Variants in MYO16 observed in about 807,000 individuals in gnomAD.
The protein encoded by MYO16 is myosin XVI.
In MYO16, 94 loss-of-function variants were observed where a neutral mutation model predicts 205.3. That is an observed-to-expected ratio of 0.46 (90% confidence interval 0.39 to 0.54). MYO16 has a LOEUF of 0.54. Among genes scored for constraint, MYO16 ranks in the 20% least tolerant of loss-of-function variants. The pLI, the probability that MYO16 is intolerant of heterozygous loss-of-function variation, is 0.00. For synonymous variants in MYO16, 988 were observed against 954.0 expected, an observed-to-expected ratio of 1.04 and a Z score of -0.66; for missense variants, 2,315 against 2,387.5, an observed-to-expected ratio of 0.97 and a Z score of 0.63.
At chr13:108,808,628 T>C (rs185867382) in intron 7 of MYO16, among the ~76,000 whole-genome samples, 3 of 152,226 alleles carry the variant, frequency 2.0e-5, no homozygotes, top group Non-Finnish European at 4.4e-5. Flanking sequence ...TGGAAGCTTC[T>C]ATCCAGGAAA....
upstream of MYO16, among the ~76,000 whole-genome samples, chr13:108,595,456 G>A (rs148912148): frequency 3.9e-4 from 59 of 152,248 alleles, no homozygotes; most frequent in African/African-American, 1.4e-3. Flanking sequence ...AAACAATTTT[G>A]CATATTATAT....
intron 7 of MYO16, among the ~76,000 whole-genome samples, chr13:108,812,349 TATC>T (rs1887319809): frequency 6.6e-6 from 1 of 152,194 alleles, no homozygotes; most frequent in South Asian, 2.1e-4. Context: ...CTTGTCAAAA[TATC>T]ATCATATCTC....
intron 4 of MYO16, among the ~76,000 whole-genome samples, chr13:108,751,133 C>T (rs923069351): frequency 1.3e-5 from 2 of 152,048 alleles, no homozygotes; most frequent in Non-Finnish European, 2.9e-5. Flanking sequence ...ATCCATGACA[C>T]TTTCATAGCC....
chr13:108,754,218 C>T (rs924003505), intron 4 of MYO16, among the ~76,000 whole-genome samples: 1 of 151,754 alleles, frequency 6.6e-6, no homozygotes, highest in Non-Finnish European at 1.5e-5. Context: ...GCAAGACAAG[C>T]TGTAGCATGC....
At chr13:108,673,179 A>C (rs550264259) in intron 2 of MYO16, among the ~76,000 whole-genome samples, 1 of 152,184 alleles carries the variant, frequency 6.6e-6, no homozygotes, top group Non-Finnish European at 1.5e-5. Context: ...TTTATGTGGT[A>C]TAGTTAGAGA....
At chr13:109,056,306 C>T (rs1887417368) in intron 27 of MYO16, among the ~76,000 whole-genome samples, 1 of 152,092 alleles carries the variant, frequency 6.6e-6, no homozygotes, top group Non-Finnish European at 1.5e-5. Context: ...CCATGGTAGC[C>T]TTATCCCAGC....
At chr13:108,774,836 C>G (rs772859002) in intron 4 of MYO16, among the ~76,000 whole-genome samples, 1 of 152,178 alleles carries the variant, frequency 6.6e-6, no homozygotes, top group Admixed American at 6.5e-5. Flanking sequence ...TGTTCTCTTA[C>G]ATCATGAGAA....
chr13:108,682,164 A>G (rs1238573529), intron 2 of MYO16, among the ~76,000 whole-genome samples: 2 of 152,222 alleles, frequency 1.3e-5, no homozygotes, highest in African/African-American at 2.4e-5. Flanking sequence ...GGGGATAGAC[A>G]TGCTAAACAT....
chr13:108,576,321 G>A, the MYO16 span, among the ~76,000 whole-genome samples: 43,731 of 151,996 alleles, frequency 0.29, 6,483 homozygotes, highest in African/African-American at 0.31. Context: ...CATCCCTGGA[G>A]GGATGACCTT....
intron 34 of MYO16, among the ~76,000 whole-genome samples, chr13:109,203,859 T>C (rs1181116836): frequency 6.6e-6 from 1 of 152,172 alleles, no homozygotes; most frequent in Non-Finnish European, 1.5e-5. Context: ...CCCATGCAGG[T>C]GAACAGCTAA....
upstream of MYO16, among the ~76,000 whole-genome samples, chr13:108,627,603 G>A (rs1455921038): frequency 6.6e-6 from 1 of 152,168 alleles, no homozygotes; most frequent in Non-Finnish European, 1.5e-5. Flanking sequence ...ATTTGATAAT[G>A]AGCCCCTGGA....
chr13:108,685,120 T>A (rs891585421), intron 2 of MYO16, among the ~76,000 whole-genome samples: 5 of 151,608 alleles, frequency 3.3e-5, no homozygotes, highest in Non-Finnish European at 7.4e-5. Context: ...CCTTCCGGGT[T>A]CAAGCCATTC....
chr13:108,682,611 A>G (rs1164408952), intron 2 of MYO16, among the ~76,000 whole-genome samples: 1 of 152,182 alleles, frequency 6.6e-6, no homozygotes, highest in Non-Finnish European at 1.5e-5. Context: ...AAGGGGAAAG[A>G]AAAAGGGTTA....
chr13:109,023,143 G>A (rs1304882321), intron 23 of MYO16, among the ~76,000 whole-genome samples: 2 of 127,782 alleles, frequency 1.6e-5, no homozygotes, highest in African/African-American at 2.9e-5. Context: ...TTATGTATAT[G>A]TTTATGTATT....
chr13:108,773,811 G>T (rs1204936284), intron 4 of MYO16, among the ~76,000 whole-genome samples: 1 of 135,060 alleles, frequency 7.4e-6, no homozygotes, highest in Non-Finnish European at 1.7e-5. Flanking sequence ...TTACCAAAAT[G>T]TGTTAGCATG....
the MYO16 span, among the ~76,000 whole-genome samples, chr13:108,573,374 A>C: frequency 3.6e-3 from 545 of 152,354 alleles, 3 homozygotes; most frequent in Admixed American, 5.8e-3. Context: ...TTAAAAAATA[A>C]AATTTTAAAA....
chr13:108,562,737 T>C, the MYO16 span, among the ~76,000 whole-genome samples: 1 of 152,212 alleles, frequency 6.6e-6, no homozygotes, highest in Non-Finnish European at 1.5e-5. Context: ...CTTTTCATTG[T>C]GTTACAGTTG....
chr13:108,918,332 A>T (rs559932097), intron 16 of MYO16, among the ~76,000 whole-genome samples: 1 of 152,396 alleles, frequency 6.6e-6, no homozygotes, highest in East Asian at 1.9e-4. Context: ...ACAACTGCAC[A>T]TGCATATAAA....
chr13:108,665,800 A>G lies in MYO16; in HGVS notation c.29-86A>G, dbSNP rs547878334. ...GTTGCATTTATGACCTGTGCAATGG[A>G]CAATATAAAATCAAGTGTGCTGTGG... is the stretch of plus-strand genomic sequence containing the variant. On this transcript the variant is annotated intron_variant, in intron 1 of 34. Coordinates refer to ENST00000457511, the MANE Select transcript of MYO16 (RefSeq NM_001198950.3). 65 of 1,382,776 alleles carry G rather than the reference A, an allele frequency of 4.7e-5. No individual in the cohort carries two copies. In the South Asian group the frequency reaches 9.1e-4, roughly 19 times the overall value. The allele number at this position is 1,382,776 out of a possible 1,614,324, so 85.7% of individuals were successfully genotyped here. A position where few individuals can be genotyped will look rare whatever the true frequency, so the allele number is the denominator to read the frequency against.
Sources: gnomAD v4.1 joint callset for allele counts (sites outside exome capture counted in the v4.1 genomes callset) on GRCh38, gnomAD v4.1.1 for gene constraint, MANE v1.5 for transcripts, NCBI Gene and HGNC (gene_info 2026-07-23, HGNC 2026-07-21) for gene names.